The following LSAMP variants were observed in gnomAD, a reference collection of about 807,000 sequenced individuals.
LSAMP encodes limbic system-associated membrane protein.
LSAMP carries 7 observed loss-of-function variants against 38.6 expected under a neutral mutation model. That is an observed-to-expected ratio of 0.18 (90% CI 0.10 to 0.34). The LOEUF (loss-of-function observed/expected upper bound fraction) is 0.34. Ranked by LOEUF, LSAMP falls within the 10% of genes least tolerant of loss-of-function variation. LSAMP has a pLI of 1.00. For synonymous variants in LSAMP, 154 were observed against 166.8 expected (o/e 0.92, Z 0.59); for missense variants, 313 against 420.0 (o/e 0.75, Z 2.23).
chr3:116,096,745 C>G (rs1322115891), intron 1 of LSAMP, among the ~76,000 whole-genome samples: 4 of 152,170 alleles, frequency 2.6e-5, no homozygotes, highest in African/African-American at 7.2e-5. Flanking sequence ...CCCCTGAGAT[C>G]TGCTGGCTGA....
At chr3:116,376,901 C>T (rs74601646) in intron 1 of LSAMP, among the ~76,000 whole-genome samples, 2,309 of 152,094 alleles carry the variant, frequency 0.015, 54 homozygotes, top group African/African-American at 0.051. Flanking sequence ...TTTAAGACAG[C>T]CATCAACAAA....
At chr3:116,235,505 AAGAGAT>A (rs1293541028) in intron 1 of LSAMP, among the ~76,000 whole-genome samples, 5 of 152,270 alleles carry the variant, frequency 3.3e-5, no homozygotes, top group Admixed American at 2.0e-4. Context: ...GGAAGAGAGA[AAGAGAT>A]AGAGATAGAG....
chr3:116,370,320 G>T (rs771787459), intron 1 of LSAMP, among the ~76,000 whole-genome samples: 13 of 152,138 alleles, frequency 8.5e-5, no homozygotes, highest in Non-Finnish European at 1.8e-4. Flanking sequence ...AGAGAAGAAT[G>T]GGAGGATTCT....
intron 1 of LSAMP, among the ~76,000 whole-genome samples, chr3:116,190,898 C>T (rs1465855169): frequency 6.6e-6 from 1 of 152,134 alleles, no homozygotes; most frequent in Non-Finnish European, 1.5e-5. Flanking sequence ...TCAACATGTG[C>T]TACTCTGAAA....
At chr3:116,323,759 C>T (rs1342662223) in intron 1 of LSAMP, among the ~76,000 whole-genome samples, 1 of 152,214 alleles carries the variant, frequency 6.6e-6, no homozygotes, top group East Asian at 1.9e-4. Context: ...TCATGGCCCT[C>T]AAAAACTTTT....
chr3:116,188,956 CA>C (rs2107579024), intron 1 of LSAMP, among the ~76,000 whole-genome samples: 1 of 152,290 alleles, frequency 6.6e-6, no homozygotes, highest in East Asian at 1.9e-4. Flanking sequence ...ATCAGTCATG[CA>C]TTTTATTCAT....
Position 116,362,742 on chromosome 3 carries a change from A to G in LSAMP, c.155+82135T>C, listed in dbSNP as rs1279904211. 4.6e-5 allele frequency among the ~76,000 whole-genome samples: 5 copies of G among 107,906 alleles called. No homozygotes were observed. The East Asian group carries it at 1.2e-3, about 25-fold the overall frequency. The allele number at this position is 107,906 out of a possible 152,430, so 70.8% of individuals were successfully genotyped here. A position where few individuals can be genotyped will look rare whatever the true frequency, so the allele number is the denominator to read the frequency against. On this transcript the variant is annotated intron_variant, in intron 1 of 6. Transcript: ENST00000490035. ...CGCTCAACTACCTGGAAACTGAACAACCTGCTCCTGAATGACTACTGGGTA... is the reference window on the plus strand; with the variant it reads ...CGCTCAACTACCTGGAAACTGAACAGCCTGCTCCTGAATGACTACTGGGTA...
At chr3:116,240,904 G>A (rs1207817055) in intron 1 of LSAMP, among the ~76,000 whole-genome samples, 3 of 152,062 alleles carry the variant, frequency 2.0e-5, no homozygotes, top group South Asian at 2.1e-4. Flanking sequence ...AGCTGGGTGC[G>A]GTGGCTCATG....
chr3:116,404,310 T>C (rs954812404), intron 1 of LSAMP, among the ~76,000 whole-genome samples: 3 of 152,154 alleles, frequency 2.0e-5, no homozygotes, highest in African/African-American at 7.2e-5. Flanking sequence ...ATTCTCTCTG[T>C]TTTTAATGCT....
At chr3:116,141,838 T>A (rs1349564316) in intron 1 of LSAMP, among the ~76,000 whole-genome samples, 2 of 151,934 alleles carry the variant, frequency 1.3e-5, no homozygotes, top group East Asian at 3.9e-4. Flanking sequence ...TATCAGACTA[T>A]CATTGGTTGT....
intron 3 of LSAMP, among the ~76,000 whole-genome samples, chr3:116,011,738 A>C (rs147027561): frequency 7.3e-5 from 11 of 151,604 alleles, no homozygotes; most frequent in Non-Finnish European, 1.6e-4. Flanking sequence ...ACTCAAGATA[A>C]TGTGTGAAAT....
chr3:116,108,342 TA>T (rs1708516315), intron 1 of LSAMP, among the ~76,000 whole-genome samples: 1 of 151,854 alleles, frequency 6.6e-6, no homozygotes, highest in African/African-American at 2.4e-5. Context: ...CTTAAAAGAG[TA>T]CTGTCTAAGT....
chr3:116,205,955 T>C (rs1377297151), intron 1 of LSAMP, among the ~76,000 whole-genome samples: 1 of 150,172 alleles, frequency 6.7e-6, no homozygotes, highest in African/African-American at 2.5e-5. Flanking sequence ...TTTCTATTGA[T>C]TGGAATAGTT....
chr3:116,351,008 G>A (rs1305371037), intron 1 of LSAMP, among the ~76,000 whole-genome samples: 3 of 151,900 alleles, frequency 2.0e-5, no homozygotes, highest in East Asian at 3.9e-4. Context: ...AGAGAAGGAG[G>A]GATGACTATA....
intron 3 of LSAMP, among the ~76,000 whole-genome samples, chr3:115,960,701 CACCTACA>C (rs1171367832): frequency 6.6e-6 from 1 of 152,130 alleles, no homozygotes. Flanking sequence ...GCATATTCAC[CACCTACA>C]AGAAGGACTT....
At chr3:115,985,953 G>T (rs1939498570) in intron 3 of LSAMP, among the ~76,000 whole-genome samples, 2 of 152,144 alleles carry the variant, frequency 1.3e-5, no homozygotes, top group Non-Finnish European at 2.9e-5. Context: ...GTTTCAAGCT[G>T]CTAACTTTTC....
In LSAMP at chr3:116,141,664, T is replaced by C. The variant is rs143595867; in HGVS notation, c.156-55108A>G. ...ATTGTGTGGGTCAGCCTAGTGTACATGCCACAAAAAGGAGCCCTGATGACA... is the reference window on the plus strand; with the variant it reads ...ATTGTGTGGGTCAGCCTAGTGTACACGCCACAAAAAGGAGCCCTGATGACA... On this transcript the variant is annotated intron_variant, in intron 1 of 6. Transcript: ENST00000490035. 5.9e-4 allele frequency among the ~76,000 whole-genome samples: 89 copies of C among 151,996 alleles called. 2 individuals are homozygous for C. The highest frequency in any genetic ancestry group is 2.0e-3 in the African/African-American group (84 of 41,502).
intron 3 of LSAMP, among the ~76,000 whole-genome samples, chr3:116,010,065 C>T (rs1364681296): frequency 2.6e-5 from 4 of 152,014 alleles, no homozygotes; most frequent in African/African-American, 7.2e-5. Context: ...TATGGGCACA[C>T]GCCACCACAC....
intron 1 of LSAMP, among the ~76,000 whole-genome samples, chr3:116,249,390 A>AT (rs11341717): frequency 0.076 from 11,249 of 148,152 alleles, 459 homozygotes; most frequent in Middle Eastern, 0.12. Context: ...AAGATTCTAT[A>AT]TTTTTTTTTT....
Sources: allele counts gnomAD v4.1 joint callset (sites outside exome capture counted in the v4.1 genomes callset), GRCh38; gene constraint gnomAD v4.1.1; transcripts MANE v1.5; gene names NCBI Gene and HGNC (gene_info 2026-07-23, HGNC 2026-07-21).